PTPN13: variants seen among roughly 807,000 people sequenced by gnomAD.
PTPN13 encodes tyrosine-protein phosphatase non-receptor type 13.
In PTPN13, 191 loss-of-function variants were observed where a neutral mutation model predicts 284.0. That is an observed-to-expected ratio of 0.67 (90% CI 0.60 to 0.76). The LOEUF (loss-of-function observed/expected upper bound fraction) is 0.76, where lower values mean the gene tolerates loss of function less well. Ranked by LOEUF, PTPN13 falls within the 30% of genes least tolerant of loss-of-function variation. The pLI is 0.00. For synonymous variants in PTPN13, 986 were observed against 1,022.3 expected (o/e 0.96, Z 0.68); for missense variants, 2,797 against 2,939.9 (o/e 0.95, Z 1.12).
chr4:86,752,080 G>A (rs922155046), intron 19 of PTPN13, among the ~76,000 whole-genome samples: 2 of 152,052 alleles, frequency 1.3e-5, no homozygotes, highest in African/African-American at 4.8e-5. Flanking sequence ...CACTGGAGTC[G>A]ATCTTTGAAA....
intron 41 of PTPN13, among the ~76,000 whole-genome samples, chr4:86,797,733 A>AT (rs386400717): frequency 6.6e-6 from 1 of 151,820 alleles, no homozygotes; most frequent in Non-Finnish European, 1.5e-5. Flanking sequence ...ATACTTCAAA[A>AT]TTTTTTAATT....
At chr4:86,609,318 AT>A (rs1765062476) in intron 1 of PTPN13, among the ~76,000 whole-genome samples, 1 of 152,180 alleles carries the variant, frequency 6.6e-6, no homozygotes, top group African/African-American at 2.4e-5. Context: ...GATAAAGTTT[AT>A]TATTAAGTAT....
At chr4:86,776,361 C>T (rs1740644227) in intron 35 of PTPN13, among the ~76,000 whole-genome samples, 1 of 152,218 alleles carries the variant, frequency 6.6e-6, no homozygotes, top group Admixed American at 6.5e-5. Context: ...ATTTCCTCCT[C>T]CCTGTTATCA....
At chr4:86,725,579 C>T (rs576235444) in intron 10 of PTPN13, among the ~76,000 whole-genome samples, 1 of 149,792 alleles carries the variant, frequency 6.7e-6, no homozygotes, top group South Asian at 2.1e-4. Context: ...TGATGATGAG[C>T]ATTTTTTCAT....
Position 86,772,893 on chromosome 4 carries a change from A to G in PTPN13, c.5284A>G (p.Thr1762Ala), listed in dbSNP as rs1740165781. 1 of 1,611,956 alleles carries G rather than the reference A, an allele frequency of 6.2e-7. No individual in the cohort carries two copies. The highest frequency in any genetic ancestry group is 8.5e-7 in the Non-Finnish European group (1 of 1,178,882). ...KYHIHHISEP[T>A]RQENWTPLKN... ...TCATATACATCACATTTCTGAACCAACTAGACAAGAAAACTGGACACCTTT... is the reference window on the plus strand; with the variant it reads ...TCATATACATCACATTTCTGAACCAGCTAGACAAGAAAACTGGACACCTTT... Residue 1762 changes from threonine (T) to alanine (A), a missense_variant, in exon 32 of 48, where the codon ACT (threonine) becomes GCT (alanine). Transcript: ENST00000411767.
chr4:86,775,301 T>C lies in PTPN13; in HGVS notation c.5639T>C (p.Leu1880Ser). ...ELPRIPMLPHLLPDITLTCNK... is the reference protein window; with the variant it reads ...ELPRIPMLPHSLPDITLTCNK... The stretch of plus-strand genomic sequence containing the variant: ...CCCAGAATACCAATGTTGCCTCATT[T>C]GCTACCGGACATAACACTAACGTGC... Residue 1880 changes from leucine (L) to serine (S), a missense_variant, in exon 34 of 48, where the codon TTG becomes TCG. Coordinates refer to ENST00000411767, the MANE Select transcript of PTPN13 (RefSeq NM_080683.3). 1.9e-6 allele frequency: 3 copies of C among 1,613,416 alleles called. No individual in the cohort carries two copies. Among genetic ancestry groups the C allele is most frequent in the East Asian group, 2.2e-5 (1 of 44,872 alleles).
At chr4:86,694,130 A>C (rs930388516) in intron 6 of PTPN13, among the ~76,000 whole-genome samples, 6 of 151,810 alleles carry the variant, frequency 4.0e-5, no homozygotes, top group African/African-American at 1.5e-4. Context: ...AACTCACTAA[A>C]TAGATTTTAT....
chr4:86,687,259 C>G (rs1256679650), intron 4 of PTPN13, among the ~76,000 whole-genome samples: 1 of 152,152 alleles, frequency 6.6e-6, no homozygotes, highest in Non-Finnish European at 1.5e-5. Flanking sequence ...AATCGTACAT[C>G]ATACTTCACG....
intron 1 of PTPN13, among the ~76,000 whole-genome samples, chr4:86,621,707 T>C (rs1201754416): frequency 6.6e-6 from 1 of 152,200 alleles, no homozygotes; most frequent in African/African-American, 2.4e-5. Flanking sequence ...GCATTACTTT[T>C]TTAAACATAA....
At chr4:86,699,765 T>C (rs1325774813) in intron 6 of PTPN13, among the ~76,000 whole-genome samples, 2 of 152,200 alleles carry the variant, frequency 1.3e-5, no homozygotes, top group African/African-American at 4.8e-5. Context: ...TTTTTTTAAA[T>C]CTATTGTGTT....
intron 32 of PTPN13, among the ~76,000 whole-genome samples, chr4:86,773,201 C>T (rs1332004080): frequency 1.3e-5 from 2 of 152,182 alleles, no homozygotes; most frequent in African/African-American, 2.4e-5. Flanking sequence ...ATGGACCAAT[C>T]ACTTAATTCT....
chr4:86,752,292 G>A (rs2054592), intron 19 of PTPN13, among the ~76,000 whole-genome samples: 21,997 of 152,052 alleles, frequency 0.14, 2,013 homozygotes, highest in East Asian at 0.27. Context: ...TGGATTCAGG[G>A]TATGTCGAGT....
intron 3 of PTPN13, among the ~76,000 whole-genome samples, chr4:86,675,773 T>A (rs899624158): frequency 3.9e-5 from 6 of 152,168 alleles, no homozygotes; most frequent in Non-Finnish European, 5.9e-5. Flanking sequence ...TCTCTTTTAT[T>A]GGGTAATTTT....
chr4:86,670,253 T>C (rs1246740052), intron 2 of PTPN13, among the ~76,000 whole-genome samples: 1 of 141,458 alleles, frequency 7.1e-6, no homozygotes, highest in Admixed American at 7.4e-5. Flanking sequence ...CCAAAATATA[T>C]CTGCAGTTGT....
At chr4:86,810,776 C>A (rs1332724486) in intron 46 of PTPN13, among the ~76,000 whole-genome samples, 1 of 152,106 alleles carries the variant, frequency 6.6e-6, no homozygotes, top group East Asian at 1.9e-4. Context: ...AGAAATTAGT[C>A]ACACTTCAGG....
At chr4:86,765,536 A>G in intron 26 of PTPN13, 48 bp downstream of exon 26, 2 of 1,289,590 alleles carry the variant, frequency 1.6e-6, no homozygotes, top group Non-Finnish European at 2.2e-6. Flanking sequence ...ATATTACAAC[A>G]AATAGATAAG....
intron 12 of PTPN13, 130 bp downstream of exon 12, chr4:86,732,896 T>G: frequency 1.6e-6 from 1 of 618,218 alleles, no homozygotes; most frequent in Non-Finnish European, 2.5e-6. Flanking sequence ...AGAAGTGAGT[T>G]AGGAACTCCC....
At chr4:86,768,320 T>C (rs979444326) in intron 28 of PTPN13, among the ~76,000 whole-genome samples, 2 of 152,314 alleles carry the variant, frequency 1.3e-5, no homozygotes, top group South Asian at 2.1e-4. Flanking sequence ...CCTTAGATTT[T>C]TGTATTTCTA....
chr4:86,641,740 A>G (rs1451167045), intron 2 of PTPN13, among the ~76,000 whole-genome samples: 1 of 152,184 alleles, frequency 6.6e-6, no homozygotes, highest in East Asian at 1.9e-4. Flanking sequence ...TGTGGTTACT[A>G]AAACGTACAA....
Sources: gnomAD v4.1 joint callset for allele counts (sites outside exome capture counted in the v4.1 genomes callset) on GRCh38, gnomAD v4.1.1 for gene constraint, MANE v1.5 for transcripts, NCBI Gene and HGNC (gene_info 2026-07-23, HGNC 2026-07-21) for gene names.